AFG1L: variants seen among roughly 807,000 people sequenced by gnomAD.
AFG1L encodes AFG1 like ATPase.
A neutral mutation model predicts 62.2 loss-of-function variants in AFG1L; 53 were observed. The observed-to-expected ratio is 0.85, with a 90% CI of 0.68 to 1.07. The LOEUF (loss-of-function observed/expected upper bound fraction) is 1.07, where lower values mean the gene tolerates loss of function less well. Among genes scored for constraint, AFG1L ranks in the 50% least tolerant of loss-of-function variants. The probability of loss-of-function intolerance (pLI) is 0.00; values close to 1 mark genes in which losing one functional copy is unlikely to be tolerated. For synonymous variants in AFG1L, 228 were observed against 210.3 expected (o/e 1.08, Z -0.73); for missense variants, 555 against 590.5 (o/e 0.94, Z 0.62).
intron 12 of AFG1L, chr6:108,520,069 G>A: frequency 3.7e-6 from 1 of 268,080 alleles, no homozygotes; most frequent in South Asian, 4.8e-5. Flanking sequence ...GCCCACGGAG[G>A]TGGACTAAGG....
intron 6 of AFG1L, among the ~76,000 whole-genome samples, chr6:108,396,447 T>A (rs1030534262): frequency 2.0e-5 from 3 of 152,178 alleles, no homozygotes; most frequent in Non-Finnish European, 2.9e-5. Flanking sequence ...GAAATAGTTT[T>A]AAAATTTTCT....
At chr6:108,342,732 G>A (rs1039981557) in intron 2 of AFG1L, among the ~76,000 whole-genome samples, 1 of 152,044 alleles carries the variant, frequency 6.6e-6, no homozygotes, top group African/African-American at 2.4e-5. Flanking sequence ...AAAAATACGT[G>A]GAGTATATAA....
intron 1 of AFG1L, among the ~76,000 whole-genome samples, chr6:108,296,738 C>T (rs1052453513): frequency 1.3e-5 from 2 of 152,158 alleles, no homozygotes; most frequent in South Asian, 2.1e-4. Flanking sequence ...AATAGTATTC[C>T]ATTCTATGTA....
chr6:108,300,787 C>T (rs1450186334), intron 1 of AFG1L, among the ~76,000 whole-genome samples: 2 of 152,056 alleles, frequency 1.3e-5, no homozygotes, highest in East Asian at 3.9e-4. Flanking sequence ...ATTCTCCTGC[C>T]TCAGCCTCCT....
intron 5 of AFG1L, among the ~76,000 whole-genome samples, chr6:108,365,109 T>C (rs1416152034): frequency 6.6e-6 from 1 of 152,176 alleles, no homozygotes; most frequent in East Asian, 1.9e-4. Flanking sequence ...TGTGGATATA[T>C]GTAAAGCAAG....
intron 1 of AFG1L, among the ~76,000 whole-genome samples, chr6:108,308,692 T>C (rs1011414943): frequency 2.0e-5 from 3 of 151,642 alleles, no homozygotes; most frequent in African/African-American, 7.3e-5. Context: ...AAATTTTATT[T>C]ATTTTATTAT....
chr6:108,498,060 A>C (rs1582667493), intron 10 of AFG1L, among the ~76,000 whole-genome samples: 1 of 152,308 alleles, frequency 6.6e-6, no homozygotes, highest in East Asian at 1.9e-4. Context: ...TATGCAGCCT[A>C]GGATGCTCTC....
intron 1 of AFG1L, among the ~76,000 whole-genome samples, chr6:108,310,127 A>G (rs1166642631): frequency 2.0e-5 from 3 of 152,008 alleles, no homozygotes; most frequent in Non-Finnish European, 2.9e-5. Context: ...AGCTTAGGAA[A>G]CCTCATCTTT....
intron 11 of AFG1L, among the ~76,000 whole-genome samples, chr6:108,516,479 T>C (rs1337803675): frequency 3.9e-5 from 6 of 152,046 alleles, no homozygotes; most frequent in African/African-American, 1.4e-4. Context: ...TCTCAATAAA[T>C]TAGGTATTGA....
chr6:108,422,056 A>G (rs1291205292), intron 7 of AFG1L, among the ~76,000 whole-genome samples: 1 of 152,134 alleles, frequency 6.6e-6, no homozygotes, highest in Admixed American at 6.6e-5. Context: ...TGTTTTTGGA[A>G]AGAACTTGTT....
chr6:108,503,761 G>A (rs1774293903), intron 10 of AFG1L, among the ~76,000 whole-genome samples: 1 of 152,226 alleles, frequency 6.6e-6, no homozygotes. Context: ...GAAAGTCACA[G>A]AGGGCATCTT....
intron 2 of AFG1L, among the ~76,000 whole-genome samples, chr6:108,342,555 ACTT>A (rs1383039295): frequency 6.6e-6 from 1 of 151,958 alleles, no homozygotes; most frequent in Non-Finnish European, 1.5e-5. Flanking sequence ...GAATTCAAAA[ACTT>A]CTTTAGGACC....
intron 1 of AFG1L, among the ~76,000 whole-genome samples, chr6:108,296,372 A>G (rs141246048): frequency 4.3e-4 from 66 of 152,352 alleles, no homozygotes; most frequent in African/African-American, 1.5e-3. Context: ...TTGGTAGTCA[A>G]TAAAAGCAAA....
At chr6:108,344,758 C>A (rs537742159) in intron 2 of AFG1L, 7 of 471,128 alleles carry the variant, frequency 1.5e-5, no homozygotes, top group Non-Finnish European at 3.1e-5. Flanking sequence ...CCCTGTCATA[C>A]CTTGTTTTTT....
intron 2 of AFG1L, among the ~76,000 whole-genome samples, chr6:108,339,803 TG>T (rs1778612137): frequency 6.6e-6 from 1 of 152,168 alleles, no homozygotes; most frequent in Non-Finnish European, 1.5e-5. Context: ...TATATATTTA[TG>T]GGGTACATGA....
At chr6:108,402,532 T>G (rs1419174129) in intron 7 of AFG1L, among the ~76,000 whole-genome samples, 1 of 146,600 alleles carries the variant, frequency 6.8e-6, no homozygotes, top group African/African-American at 2.5e-5. Context: ...CTTCTCTAGA[T>G]AGTAACAGTC....
rs201267140 is a variant in AFG1L, at chr6:108,522,477, A to G, written c.*52A>G. The G allele has an allele frequency of 1.5e-4, 237 of 1,561,416 alleles. 1 individual carries two copies. The Admixed American group carries it at 1.8e-3, about 12-fold the overall frequency. On this transcript the variant is annotated 3_prime_UTR_variant, in exon 13 of 13. Coordinates refer to ENST00000368977, the MANE Select transcript of AFG1L (RefSeq NM_145315.5). ...TAGACAAATGGTTAACGCAGGCAGA[A>G]CTCCTTATTGTGGGACTTGAAGGAA...
intron 1 of AFG1L, among the ~76,000 whole-genome samples, chr6:108,307,159 G>A (rs981639342): frequency 6.6e-5 from 10 of 151,844 alleles, no homozygotes; most frequent in African/African-American, 2.2e-4. Context: ...GATTACAGGC[G>A]CATGCTACCA....
intron 8 of AFG1L, among the ~76,000 whole-genome samples, chr6:108,473,074 T>C (rs1315705908): frequency 6.6e-6 from 1 of 152,190 alleles, no homozygotes; most frequent in Non-Finnish European, 1.5e-5. Flanking sequence ...AGTGCCAGGA[T>C]TCTAGGCATG....
Sources: gnomAD v4.1 joint callset for allele counts (sites outside exome capture counted in the v4.1 genomes callset) on GRCh38, gnomAD v4.1.1 for gene constraint, MANE v1.5 for transcripts, NCBI Gene and HGNC (gene_info 2026-07-23, HGNC 2026-07-21) for gene names.